The following HTT variants were observed in gnomAD, a reference collection of about 807,000 sequenced individuals.
HTT encodes huntingtin.
HTT carries 104 observed loss-of-function variants against 362.3 expected under a neutral mutation model. The ratio of observed to expected loss-of-function variants is 0.29; its 90% CI spans 0.24 to 0.34. The LOEUF (loss-of-function observed/expected upper bound fraction) is 0.34, where lower values mean the gene tolerates loss of function less well. Ranked by LOEUF, HTT falls within the 10% of genes least tolerant of loss-of-function variation. The pLI is 1.00. For missense variants in HTT, 3,301 were observed against 3,928.6 expected (o/e 0.84, Z 4.27); for synonymous variants, 1,577 against 1,548.7 (o/e 1.02, Z -0.43).
In HTT at chr4:3,180,587, A is replaced by G; in HGVS notation, c.4685A>G (p.Lys1562Arg). The G allele has an allele frequency of 1.2e-6, 2 of 1,613,760 alleles. No individual in the cohort carries two copies. The highest frequency in any genetic ancestry group is 1.7e-6 in the Non-Finnish European group (2 of 1,179,872). ...GGAACAAATAAAGCTGATGCAGGAA[A>G]AGAGCTTGAAACCCAAAAAGAGGTG... Reference protein sequence around the residue: ...LRGTNKADAGKELETQKEVVV... With the variant: ...LRGTNKADAGRELETQKEVVV... The change falls in exon 36 of 67, where the codon AAA becomes AGA. Residue 1562 changes from lysine (K) to arginine (R), a missense_variant. By Grantham distance (26) the Lys-to-Arg change is conservative (BLOSUM62 2). This residue lies in a region of HTT where 2,316 missense variants were observed against 2,658.5 expected (regional missense o/e 0.87). Transcript: ENST00000355072.
At chr4:3,199,019 G>A (rs1207792799) in intron 40 of HTT, among the ~76,000 whole-genome samples, 2 of 152,234 alleles carry the variant, frequency 1.3e-5, no homozygotes, top group Non-Finnish European at 2.9e-5. Context: ...GGCAGGTGCC[G>A]AGTGCTGTTC....
chr4:3,205,793 G>A (rs1049560959), intron 42 of HTT, among the ~76,000 whole-genome samples: 8 of 152,204 alleles, frequency 5.3e-5, no homozygotes, highest in African/African-American at 1.7e-4. Context: ...AACCTGTACT[G>A]TCAGATGATC....
intron 6 of HTT, among the ~76,000 whole-genome samples, chr4:3,111,461 C>T (rs6828615): frequency 0.22 from 33,877 of 151,954 alleles, 6,290 homozygotes; most frequent in African/African-American, 0.52. Context: ...CCGAAAGTGC[C>T]GGGATTACAG....
chr4:3,178,984 G>C (rs897390420), intron 35 of HTT, among the ~76,000 whole-genome samples: 2 of 152,196 alleles, frequency 1.3e-5, no homozygotes, highest in Non-Finnish European at 2.9e-5. Flanking sequence ...GTGGTTTTAT[G>C]AATGAGTTGC....
intron 3 of HTT, among the ~76,000 whole-genome samples, chr4:3,102,270 G>A (rs1714196172): frequency 6.6e-6 from 1 of 152,244 alleles, no homozygotes; most frequent in Non-Finnish European, 1.5e-5. Flanking sequence ...GAGGCCAGCA[G>A]CGTGCTGCCA....
intron 51 of HTT, among the ~76,000 whole-genome samples, chr4:3,215,938 G>C (rs1355853001): frequency 6.6e-6 from 1 of 152,188 alleles, no homozygotes; most frequent in Non-Finnish European, 1.5e-5. Context: ...TGTCTGGTGG[G>C]GAATGGCCCC....
intron 40 of HTT, among the ~76,000 whole-genome samples, chr4:3,193,492 G>A (rs922295458): frequency 6.6e-6 from 1 of 152,188 alleles, no homozygotes; most frequent in Non-Finnish European, 1.5e-5. Context: ...GTGGGATAAG[G>A]GTGGTGTGTT....
chr4:3,101,231 G>T (rs924791223), intron 3 of HTT, among the ~76,000 whole-genome samples: 4 of 152,142 alleles, frequency 2.6e-5, no homozygotes, highest in Admixed American at 6.5e-5. Context: ...GGAATTGCTG[G>T]ACACAGTGGC....
At position 3,187,825 on chromosome 4, in the gene HTT, A is replaced by G. The variant is rs751063803; in HGVS notation, c.5164A>G (p.Thr1722Ala). 25 of 1,613,406 alleles carry G rather than the reference A, an allele frequency of 1.5e-5. No homozygotes were observed. Among genetic ancestry groups the G allele is most frequent in the Non-Finnish European group, 2.0e-5 (24 of 1,179,456 alleles). Residue 1722 changes from threonine (T) to alanine (A), a missense_variant, in exon 39 of 67, where the codon ACG becomes GCG. Thr to Ala is a moderately conservative substitution (Grantham distance 58, BLOSUM62 0). This residue lies in a region of HTT where 2,316 missense variants were observed against 2,658.5 expected (regional missense o/e 0.87). Coordinates refer to ENST00000355072, the MANE Select transcript of HTT (RefSeq NM_001388492.1). Reference protein sequence around the residue: ...NRLRDGDSTSTLEEHSEGKQI... With the variant: ...NRLRDGDSTSALEEHSEGKQI... ...GTTAAGAGATGGGGACAGTACTTCAACGCTAGAAGAACACAGTGAAGGGAA... is the reference window on the plus strand; with the variant it reads ...GTTAAGAGATGGGGACAGTACTTCAGCGCTAGAAGAACACAGTGAAGGGAA...
chr4:3,077,967 G>A (rs1246343471), intron 1 of HTT, among the ~76,000 whole-genome samples: 1 of 152,214 alleles, frequency 6.6e-6, no homozygotes, highest in African/African-American at 2.4e-5. Context: ...AAGCAATTTA[G>A]AAAGTATCTG....
chr4:3,093,859 C>A (rs897022587), intron 2 of HTT, among the ~76,000 whole-genome samples: 5 of 105,988 alleles, frequency 4.7e-5, no homozygotes, highest in Non-Finnish European at 1.9e-5. Flanking sequence ...GCTGCCAATT[C>A]CTTTTTTTTT....
Position 3,142,761 on chromosome 4 carries a change from AT to A in HTT, c.2946-3del. On this transcript the variant is annotated splice_region_variant and splice_polypyrimidine_tract_variant and intron_variant, in intron 22 of 66. Coordinates refer to ENST00000355072, the MANE Select transcript of HTT (RefSeq NM_001388492.1). The stretch of plus-strand genomic sequence containing the variant: ...TATTTTAAGTCTCTATATTTTTGTT[AT>A]TAGAATATATAGAGGCTATAACCTA... The A allele has an allele frequency of 7.0e-7, 1 of 1,418,866 alleles. No homozygotes were observed. Among genetic ancestry groups the A allele is most frequent in the Non-Finnish European group, 9.9e-7 (1 of 1,008,886 alleles). The allele number at this position is 1,418,866 out of a possible 1,614,324, so 87.9% of individuals were successfully genotyped here. A position where few individuals can be genotyped will look rare whatever the true frequency, so the allele number is the denominator to read the frequency against.
intron 6 of HTT, among the ~76,000 whole-genome samples, chr4:3,111,572 G>C (rs1714752472): frequency 6.6e-6 from 1 of 152,166 alleles, no homozygotes; most frequent in South Asian, 2.1e-4. Flanking sequence ...TTTCCTGCTT[G>C]GAGGCTATAA....
In HTT at chr4:3,128,974, GTC is replaced by G. The variant is rs1328163970; in HGVS notation, c.1744-948_1744-947del. 3.9e-5 allele frequency: 6 copies of G among 152,248 alleles called. No homozygotes were observed. The East Asian group carries it at 1.2e-3, about 29-fold the overall frequency. The allele number at this position is 152,248 out of a possible 1,614,324, so 9.4% of individuals were successfully genotyped here. A position where few individuals can be genotyped will look rare whatever the true frequency, so the allele number is the denominator to read the frequency against. ...CCTGGCAACCACGATTCTTCTTTCT[GTC>G]TTCTGAATTTGACTACTTTGGGTTC... On this transcript the variant is annotated intron_variant, in intron 12 of 66. Transcript: ENST00000355072.
At position 3,236,216 on chromosome 4, in the gene HTT, G is replaced by T. The variant is rs1231570170; in HGVS notation, c.8853G>T (p.Val2951=). The change falls in exon 64 of 67, where the codon GTG becomes GTT. Residue 2951 remains valine, a synonymous_variant. Coordinates refer to ENST00000355072, the MANE Select transcript of HTT (RefSeq NM_001388492.1). ...PNPAAPDSES[V]IVAMERVSVL... ...CTGCAGCCCCCGACAGCGAGTCAGT[G>T]ATTGTTGCTATGGAGCGGGTATCTG... is the stretch of plus-strand genomic sequence containing the variant. 1.2e-6 allele frequency: 2 copies of T among 1,614,022 alleles called. No individual in the cohort carries two copies. The highest frequency in any genetic ancestry group is 1.3e-5 in the African/African-American group (1 of 74,954).
chr4:3,207,071 T>A, intron 44 of HTT, 88 bp downstream of exon 44: 1 of 1,332,568 alleles, frequency 7.5e-7, no homozygotes, highest in Non-Finnish European at 1.0e-6. Context: ...CCTCCGTAAG[T>A]ATGGTCTTGA....
intron 3 of HTT, among the ~76,000 whole-genome samples, chr4:3,103,493 T>A (rs1714265422): frequency 1.3e-5 from 2 of 152,164 alleles, no homozygotes; most frequent in Admixed American, 1.3e-4. Context: ...CCCAAAGTGC[T>A]GGGATTACAG....
rs1456048115 is a variant in HTT at position 3,199,943 on chromosome 4, G to A, written c.5576+4G>A. 3.7e-6 allele frequency: 6 copies of A among 1,610,086 alleles called. No individual in the cohort carries two copies. In the East Asian group the frequency reaches 1.3e-4, roughly 36 times the overall value. On this transcript the variant is annotated splice_donor_region_variant and intron_variant, in intron 41 of 66. Transcript: ENST00000355072. ...CAGAAGTGCAGCAGACCCCGAAGTA[G>A]GTTCATAATGCCCCACAGCCCAGGG...
intron 47 of HTT, 62 bp downstream of exon 47, chr4:3,210,011 T>C (rs1248895062): frequency 1.3e-6 from 2 of 1,589,820 alleles, no homozygotes; most frequent in Non-Finnish European, 1.7e-6. Context: ...CAAGTGGGAT[T>C]TGTCTCATCA....
Sources: allele counts gnomAD v4.1 joint callset (sites outside exome capture counted in the v4.1 genomes callset), GRCh38; gene constraint gnomAD v4.1.1; regional missense constraint gnomAD v4.1.1; transcripts MANE v1.5; gene names NCBI Gene and HGNC (gene_info 2026-07-23, HGNC 2026-07-21).